INPP5A: variants seen among roughly 807,000 people sequenced by gnomAD.
INPP5A encodes the protein inositol polyphosphate-5-phosphatase A.
Under a neutral mutation model 65.2 loss-of-function variants are expected in INPP5A, and 14 were observed. The ratio of observed to expected loss-of-function variants is 0.21; its 90% CI spans 0.14 to 0.34. The LOEUF (loss-of-function observed/expected upper bound fraction) is 0.34. Among genes scored for constraint, INPP5A ranks in the 10% least tolerant of loss-of-function variants. The pLI, the probability that INPP5A is intolerant of heterozygous loss-of-function variation, is 1.00. For synonymous variants in INPP5A, 207 were observed against 208.3 expected (o/e 0.99, Z 0.05); for missense variants, 431 against 545.6 (o/e 0.79, Z 2.09).
chr10:132,619,366 G>A (rs2072082655), intron 2 of INPP5A, among the ~76,000 whole-genome samples: 1 of 152,206 alleles, frequency 6.6e-6, no homozygotes, highest in Non-Finnish European at 1.5e-5. Flanking sequence ...AGGGCACACA[G>A]GCTCAAGGGG....
Position 132,587,413 on chromosome 10 carries a change from T to C in INPP5A, c.76-20502T>C, listed in dbSNP as rs1269294889. ...CAGCCCATGGTGTGCTCTGTGGGGCTGGCAGGGATCCTGGCATGGCCTGTG... is the reference window on the plus strand; with the variant it reads ...CAGCCCATGGTGTGCTCTGTGGGGCCGGCAGGGATCCTGGCATGGCCTGTG... On this transcript the variant is annotated intron_variant, in intron 1 of 15. Transcript: ENST00000368594. The surrounding 1 kb of genome is among the most constrained non-coding windows in gnomAD (Gnocchi z 4.3). 6.6e-6 allele frequency among the ~76,000 whole-genome samples: 1 copy of C among 152,196 alleles called. No individual in the cohort carries two copies. Among genetic ancestry groups the C allele is most frequent in the African/African-American group, 2.4e-5 (1 of 41,456 alleles).
intron 12 of INPP5A, among the ~76,000 whole-genome samples, chr10:132,776,148 C>A (rs979586501): frequency 6.6e-6 from 1 of 152,172 alleles, no homozygotes; most frequent in South Asian, 2.1e-4. Context: ...GGCAGGCCAC[C>A]AGGTTGCTGG....
chr10:132,541,315 T>C (rs2070904010), intron 1 of INPP5A, among the ~76,000 whole-genome samples: 1 of 152,148 alleles, frequency 6.6e-6, no homozygotes. Flanking sequence ...GTGCATCCAC[T>C]TCAGCTGTGG....
At chr10:132,755,325 GTGTGTGAGC>G (rs932631883) in intron 11 of INPP5A, among the ~76,000 whole-genome samples, 1 of 148,560 alleles carries the variant, frequency 6.7e-6, no homozygotes, top group East Asian at 2.5e-4. Context: ...GAGTGGGCGA[GTGTGTGAGC>G]TGTGTGAGCG....
At chr10:132,580,138 C>G (rs894355697) in intron 1 of INPP5A, among the ~76,000 whole-genome samples, 2 of 152,128 alleles carry the variant, frequency 1.3e-5, no homozygotes, top group African/African-American at 2.4e-5. Flanking sequence ...TATTTGGCAA[C>G]TTGCAGTGGG....
chr10:132,730,989 A>G (rs1017205980), intron 9 of INPP5A, among the ~76,000 whole-genome samples: 4 of 152,166 alleles, frequency 2.6e-5, no homozygotes, highest in Non-Finnish European at 5.9e-5. Context: ...ACCACGGGGG[A>G]GGAACATTCC....
In INPP5A at chr10:132,678,099, C is replaced by T. The variant is rs1224031716; in HGVS notation, c.307-12293C>T. 6.6e-6 allele frequency among the ~76,000 whole-genome samples: 1 copy of T among 152,220 alleles called. No homozygotes were observed. Among genetic ancestry groups the T allele is most frequent in the Non-Finnish European group, 1.5e-5 (1 of 68,040 alleles). On this transcript the variant is annotated intron_variant, in intron 4 of 15. Transcript: ENST00000368594. This position sits in a 1 kb window ranked among gnomAD's most constrained non-coding sequence, Gnocchi z 4.1. ...TTGGTGCCGTCATCCCGTTTGGCCC[C>T]AGGAGCTGAAATTGGAAAGTCAGTG... is the stretch of plus-strand genomic sequence containing the variant.
At chr10:132,652,538 G>A (rs1298327896) in intron 4 of INPP5A, among the ~76,000 whole-genome samples, 1 of 152,174 alleles carries the variant, frequency 6.6e-6, no homozygotes, top group Non-Finnish European at 1.5e-5. Context: ...TTACATGAAG[G>A]CCCTTCCTTG....
intron 1 of INPP5A, among the ~76,000 whole-genome samples, chr10:132,571,090 G>A (rs1330073893): frequency 1.3e-5 from 2 of 152,254 alleles, no homozygotes; most frequent in African/African-American, 2.4e-5. Context: ...CACAGTGCAC[G>A]CCCACCTGCT....
chr10:132,704,396 A>G lies in INPP5A; in HGVS notation c.475-3917A>G, dbSNP rs565069283. Among the ~76,000 whole-genome samples, 31 of 152,326 alleles carry G rather than the reference A, an allele frequency of 2.0e-4. No individual in the cohort carries two copies. Among genetic ancestry groups the G allele is most frequent in the Admixed American group, 6.5e-4 (10 of 15,312 alleles). On this transcript the variant is annotated intron_variant, in intron 6 of 15. Coordinates refer to ENST00000368594, the MANE Select transcript of INPP5A (RefSeq NM_005539.5). The surrounding 1 kb of genome is among the most constrained non-coding windows in gnomAD (Gnocchi z 4.5). The stretch of plus-strand genomic sequence containing the variant: ...TGGCCTAAAGCCACCAAGGGACCAT[A>G]GGTGCAGTTCTTAACCTGTGAGCCT...
chr10:132,656,929 C>G (rs1289952990), intron 4 of INPP5A, among the ~76,000 whole-genome samples: 1 of 152,226 alleles, frequency 6.6e-6, no homozygotes, highest in Non-Finnish European at 1.5e-5. Context: ...TCTGGGCAGA[C>G]AGCAGCGACA....
intron 7 of INPP5A, among the ~76,000 whole-genome samples, chr10:132,709,420 G>A (rs1051241330): frequency 6.7e-6 from 1 of 148,896 alleles, no homozygotes; most frequent in Admixed American, 6.6e-5. Context: ...GAGAGAAAGA[G>A]GAAGAAGAGG....
Position 132,727,039 on chromosome 10 carries a change from CTTTCAAT to C in INPP5A, c.732+135_732+141del. The C allele has an allele frequency of 1.8e-6, 1 of 543,164 alleles. No homozygotes were observed. 33.6% of individuals were successfully genotyped at this position (543,164 alleles called of 1,614,324 possible). ...CGGGATGCACTTTTTAAGGCAAAAC[CTTTCAAT>C]GAAGAAGCATGTTTTGCTGTCGGCA... On this transcript the variant is annotated intron_variant, in intron 9 of 15. Coordinates refer to ENST00000368594, the MANE Select transcript of INPP5A (RefSeq NM_005539.5). This position sits in a 1 kb window ranked among gnomAD's most constrained non-coding sequence, Gnocchi z 6.5.
chr10:132,689,002 TGTGA>T (rs1845206973), intron 4 of INPP5A, among the ~76,000 whole-genome samples: 1 of 152,066 alleles, frequency 6.6e-6, no homozygotes, highest in Non-Finnish European at 1.5e-5. Flanking sequence ...TGTGAGTGCC[TGTGA>T]GTGCTTGTGC....
intron 1 of INPP5A, among the ~76,000 whole-genome samples, chr10:132,582,000 G>A (rs938295520): frequency 6.6e-6 from 1 of 152,048 alleles, no homozygotes; most frequent in Non-Finnish European, 1.5e-5. Flanking sequence ...ACCATGCCCA[G>A]CTAATTTTTT....
At chr10:132,593,305 G>A (rs998684562) in intron 1 of INPP5A, among the ~76,000 whole-genome samples, 4 of 152,168 alleles carry the variant, frequency 2.6e-5, no homozygotes, top group African/African-American at 4.8e-5. Flanking sequence ...TGTGAATGCC[G>A]GGGCGTGGGG....
At chr10:132,647,291 T>C (rs951403791) in intron 3 of INPP5A, among the ~76,000 whole-genome samples, 3 of 151,964 alleles carry the variant, frequency 2.0e-5, no homozygotes, top group African/African-American at 7.2e-5. Flanking sequence ...AATTTTTTTG[T>C]GTTTTTTTAG....
chr10:132,683,405 C>T (rs1007996245), intron 4 of INPP5A, among the ~76,000 whole-genome samples: 1 of 152,120 alleles, frequency 6.6e-6, no homozygotes, highest in African/African-American at 2.4e-5. Flanking sequence ...GTGTATTATC[C>T]TATGTGGAGG....
chr10:132,764,922 G>A (rs1340137042), intron 11 of INPP5A, among the ~76,000 whole-genome samples: 1 of 139,120 alleles, frequency 7.2e-6, no homozygotes, highest in Non-Finnish European at 1.5e-5. Context: ...AGTCCTGCAG[G>A]GGTGGGAGGG....
Sources: allele counts gnomAD v4.1 joint callset (sites outside exome capture counted in the v4.1 genomes callset), GRCh38; gene constraint gnomAD v4.1.1; non-coding constraint Gnocchi (gnomAD v3.1); transcripts MANE v1.5; gene names NCBI Gene and HGNC (gene_info 2026-07-23, HGNC 2026-07-21).